Variants in CNTN5 observed in about 807,000 individuals in gnomAD.
The protein encoded by CNTN5 is contactin 5, also known as contactin-5.
CNTN5 carries 77 observed loss-of-function variants against 129.1 expected under a neutral mutation model. That is an observed-to-expected ratio of 0.60 (90% CI 0.50 to 0.72). The LOEUF is 0.72. Ranked by LOEUF, CNTN5 falls within the 30% of genes least tolerant of loss-of-function variation. The pLI, the probability that CNTN5 is intolerant of heterozygous loss-of-function variation, is 0.00. For synonymous variants in CNTN5, 509 were observed against 465.6 expected (o/e 1.09, Z -1.20); for missense variants, 1,478 against 1,328.8 (o/e 1.11, Z -1.75).
intron 13 of CNTN5, among the ~76,000 whole-genome samples, chr11:100,108,682 T>C (rs1365011284): frequency 1.3e-5 from 2 of 152,150 alleles, no homozygotes; most frequent in African/African-American, 4.8e-5. Context: ...CATATTTTTA[T>C]AATATCATGT....
chr11:99,273,378 A>G lies in CNTN5; in HGVS notation c.-209-51968A>G, dbSNP rs186477908. 8.6e-5 allele frequency among the ~76,000 whole-genome samples: 13 copies of G among 151,942 alleles called. No individual in the cohort carries two copies. The East Asian group carries it at 2.5e-3, about 30-fold the overall frequency. ...TTAAACAAAATGTTAAATGTCGTTC[A>G]ATACTAGGTCCGCTTCTCTAGTGTA... On this transcript the variant is annotated intron_variant, in intron 1 of 24. Transcript: ENST00000524871.
At chr11:99,900,527 A>G (rs775175653) in intron 6 of CNTN5, among the ~76,000 whole-genome samples, 2 of 151,002 alleles carry the variant, frequency 1.3e-5, no homozygotes, top group African/African-American at 2.5e-5. Flanking sequence ...TGTATGTTAC[A>G]TTTCTACTTT....
At chr11:100,155,568 T>C (rs1202725419) in intron 13 of CNTN5, among the ~76,000 whole-genome samples, 1 of 152,112 alleles carries the variant, frequency 6.6e-6, no homozygotes, top group Non-Finnish European at 1.5e-5. Flanking sequence ...AAGTCAGTGG[T>C]AGCTTGATGG....
chr11:99,372,135 C>T (rs1250497711), intron 2 of CNTN5, among the ~76,000 whole-genome samples: 1 of 152,206 alleles, frequency 6.6e-6, no homozygotes, highest in Non-Finnish European at 1.5e-5. Flanking sequence ...TACAGCATAG[C>T]AGTTCACATC....
At chr11:99,214,403 AT>A (rs1860011002) in intron 1 of CNTN5, among the ~76,000 whole-genome samples, 2 of 76,584 alleles carry the variant, frequency 2.6e-5, no homozygotes, top group East Asian at 5.5e-4. Flanking sequence ...ATAAATAAAT[AT>A]ATATATATAT....
intron 9 of CNTN5, 91 bp from the exon 10 acceptor site, chr11:100,061,121 C>A: frequency 2.0e-6 from 2 of 983,814 alleles, no homozygotes; most frequent in Non-Finnish European, 2.9e-6. Context: ...TTATTGCACT[C>A]AGCCTATTAA....
chr11:99,798,444 A>G (rs768477138), intron 3 of CNTN5, among the ~76,000 whole-genome samples: 1 of 152,176 alleles, frequency 6.6e-6, no homozygotes, highest in Non-Finnish European at 1.5e-5. Context: ...ATTTTTATAA[A>G]TGGTGAAAGA....
chr11:100,338,545 C>G (rs760983632), intron 21 of CNTN5, among the ~76,000 whole-genome samples: 1 of 152,192 alleles, frequency 6.6e-6, no homozygotes, highest in Non-Finnish European at 1.5e-5. Context: ...AAGAATTACT[C>G]TCTTATGACC....
intron 4 of CNTN5, among the ~76,000 whole-genome samples, chr11:99,842,412 A>G (rs925204539): frequency 1.3e-5 from 2 of 152,190 alleles, no homozygotes; most frequent in African/African-American, 4.8e-5. Context: ...GTATTTGCAA[A>G]TGTTAATAAC....
chr11:99,739,598 A>T (rs1943826006), intron 3 of CNTN5, among the ~76,000 whole-genome samples: 1 of 152,126 alleles, frequency 6.6e-6, no homozygotes, highest in African/African-American at 2.4e-5. Context: ...ACTAGAGAAG[A>T]TGGAAAGGTG....
intron 2 of CNTN5, among the ~76,000 whole-genome samples, chr11:99,356,755 G>T (rs1361342267): frequency 6.6e-6 from 1 of 152,102 alleles, no homozygotes; most frequent in Non-Finnish European, 1.5e-5. Flanking sequence ...AAAGAAAATA[G>T]AATTATATTT....
intron 20 of CNTN5, 64 bp from the exon 21 acceptor site, chr11:100,308,295 C>T: frequency 7.0e-7 from 1 of 1,435,494 alleles, no homozygotes; most frequent in Non-Finnish European, 9.5e-7. Flanking sequence ...ACCTGACAGA[C>T]TCAGGCGCAA....
At chr11:100,261,625 G>A (rs1231189736) in intron 17 of CNTN5, among the ~76,000 whole-genome samples, 1 of 152,030 alleles carries the variant, frequency 6.6e-6, no homozygotes, top group Non-Finnish European at 1.5e-5. Context: ...GCAGAACAGA[G>A]ACCTCAGAAA....
At chr11:100,044,493 C>CTTT (rs140410977) in intron 9 of CNTN5, among the ~76,000 whole-genome samples, 2 of 149,314 alleles carry the variant, frequency 1.3e-5, no homozygotes, top group African/African-American at 4.9e-5. Context: ...TTGCTAACAT[C>CTTT]TTTTTTTTTT....
At chr11:99,853,809 C>T (rs1947950368) in intron 6 of CNTN5, among the ~76,000 whole-genome samples, 1 of 151,874 alleles carries the variant, frequency 6.6e-6, no homozygotes, top group Admixed American at 6.6e-5. Flanking sequence ...GAAGGAAGTT[C>T]TATTATTGAC....
rs528319697 is a variant in CNTN5, at chr11:99,753,119, C to CTGTT, written c.56-66424_56-66423insGTTT. Among the ~76,000 whole-genome samples the CTGTT allele has an allele frequency of 7.5e-5, 7 of 93,080 alleles. No individual in the cohort carries two copies. The East Asian group carries it at 1.5e-3, about 20-fold the overall frequency. The allele number at this position is 93,080 out of a possible 152,430, so 61.1% of individuals were successfully genotyped here. A position where few individuals can be genotyped will look rare whatever the true frequency, so the allele number is the denominator to read the frequency against. ...TTTATAACATTTTAAGCCATATTTGCTTTTTTTTTTTTTTTTTTTTTGAGA... is the reference window on the plus strand; with the variant it reads ...TTTATAACATTTTAAGCCATATTTGCTGTTTTTTTTTTTTTTTTTTTTTTTGAGA... On this transcript the variant is annotated intron_variant, in intron 3 of 24. Transcript: ENST00000524871.
intron 2 of CNTN5, among the ~76,000 whole-genome samples, chr11:99,447,221 C>T (rs1282029808): frequency 1.3e-5 from 2 of 152,210 alleles, no homozygotes; most frequent in Admixed American, 6.5e-5. Context: ...TAGGGATTGA[C>T]ATTCATGTAT....
rs555166560 is a variant in CNTN5, at chr11:99,427,857, A to G, written c.-71+102373A>G. Reference sequence around the variant, plus strand: ...CTTTAAGGAAATTTTGGTTTTTTAAACAATTATTTTGTGTATCAGTGTATT... The same window carrying G: ...CTTTAAGGAAATTTTGGTTTTTTAAGCAATTATTTTGTGTATCAGTGTATT... On this transcript the variant is annotated intron_variant, in intron 2 of 24. Transcript: ENST00000524871. Among the ~76,000 whole-genome samples the G allele has an allele frequency of 1.5e-4, 23 of 151,976 alleles. No individual in the cohort carries two copies. The South Asian group carries it at 3.9e-3, about 26-fold the overall frequency.
In CNTN5 at chr11:100,041,749, A is replaced by C. The variant is rs1942392222; in HGVS notation, c.981-19463A>C. 6.6e-5 allele frequency among the ~76,000 whole-genome samples: 10 copies of C among 152,376 alleles called. No homozygotes were observed. The South Asian group carries it at 2.1e-3, about 32-fold the overall frequency. Reference sequence around the variant, plus strand: ...GAAAAGATTATAATTGTTTTAAAAAACAATGGTAAAAACATAAAGGCCATA... The same window carrying C: ...GAAAAGATTATAATTGTTTTAAAAACCAATGGTAAAAACATAAAGGCCATA... On this transcript the variant is annotated intron_variant, in intron 9 of 24. Coordinates refer to ENST00000524871, the MANE Select transcript of CNTN5 (RefSeq NM_014361.4).
Sources: allele counts gnomAD v4.1 joint callset (sites outside exome capture counted in the v4.1 genomes callset), GRCh38; gene constraint gnomAD v4.1.1; transcripts MANE v1.5; gene names NCBI Gene and HGNC (gene_info 2026-07-23, HGNC 2026-07-21).